RPS6KA2: variants seen among roughly 807,000 people sequenced by gnomAD.
The protein encoded by RPS6KA2 is ribosomal protein S6 kinase alpha-2.
Under a neutral mutation model 91.8 loss-of-function variants are expected in RPS6KA2, and 42 were observed. The observed-to-expected ratio is 0.46, with a 90% CI of 0.36 to 0.59. The LOEUF is 0.59. Ranked by LOEUF, RPS6KA2 falls within the 20% of genes least tolerant of loss-of-function variation. The pLI is 0.00. For synonymous variants in RPS6KA2, 414 were observed against 393.6 expected (o/e 1.05, Z -0.61); for missense variants, 798 against 978.5 (o/e 0.82, Z 2.46).
At position 166,423,371 on chromosome 6, in the gene RPS6KA2, T is replaced by C. The variant is rs1468824854; in HGVS notation, c.1628A>G (p.Glu543Gly). ...LKPSNILYRD[E>G]SGSPESIRVC... ...TCGGATGGATTCTGGGCTCCCCGAC[T>C]CATCCCTGTACAGGATGTTACTCGG... Residue 543 changes from glutamate (E) to glycine (G), a missense_variant, in exon 17 of 21, where the codon GAG (glutamate) becomes GGG (glycine). Physicochemically the swap from Glu to Gly is moderately conservative, Grantham distance 98. Coordinates refer to ENST00000265678, the MANE Select transcript of RPS6KA2 (RefSeq NM_021135.6). The surrounding 1 kb of genome is among the most constrained non-coding windows in gnomAD (Gnocchi z 4.8). The C allele has an allele frequency of 6.2e-7, 1 of 1,614,194 alleles. No homozygotes were observed. The highest frequency in any genetic ancestry group is 1.1e-5 in the South Asian group (1 of 91,090).
chr6:166,638,961 G>T (rs1411653688), intron 2 of RPS6KA2, among the ~76,000 whole-genome samples: 1 of 152,170 alleles, frequency 6.6e-6, no homozygotes, highest in Non-Finnish European at 1.5e-5. Flanking sequence ...GGTTGAAAAA[G>T]CTCACTTTAG....
chr6:166,637,838 C>T (rs184322460), intron 2 of RPS6KA2, among the ~76,000 whole-genome samples: 51 of 152,360 alleles, frequency 3.3e-4, no homozygotes, highest in African/African-American at 1.1e-3. Context: ...GTGTCTCAGC[C>T]GTGGGGGCCG....
chr6:166,550,949 C>T (rs534671561), intron 1 of RPS6KA2, among the ~76,000 whole-genome samples: 42 of 144,654 alleles, frequency 2.9e-4, no homozygotes, highest in South Asian at 2.6e-3. Context: ...TGCAGTGAGC[C>T]GAGATCACGA....
At chr6:166,558,603 G>A (rs1274079871) in intron 1 of RPS6KA2, among the ~76,000 whole-genome samples, 1 of 152,236 alleles carries the variant, frequency 6.6e-6, no homozygotes, top group Non-Finnish European at 1.5e-5. Flanking sequence ...GAGGCAAGCG[G>A]TGTCTCAGCC....
chr6:166,792,438 C>T (rs990486896), intron 2 of RPS6KA2, among the ~76,000 whole-genome samples: 2 of 151,556 alleles, frequency 1.3e-5, no homozygotes, highest in Non-Finnish European at 1.5e-5. Flanking sequence ...AAGAGGAGCT[C>T]GTATCATTCC....
At chr6:166,734,576 C>G (rs1790621539) in intron 2 of RPS6KA2, among the ~76,000 whole-genome samples, 1 of 152,062 alleles carries the variant, frequency 6.6e-6, no homozygotes. Flanking sequence ...AATTAAGACA[C>G]TCAGCCATTG....
At position 166,435,923 on chromosome 6, in the gene RPS6KA2, G is replaced by A. The variant is rs972586533; in HGVS notation, c.1333-3433C>T. Reference sequence around the variant, plus strand: ...CGCTGAGCCAGTCTGAGCCCCAGCTGAGACCTGGCCTCCCTGTCCACTCCC... The same window carrying A: ...CGCTGAGCCAGTCTGAGCCCCAGCTAAGACCTGGCCTCCCTGTCCACTCCC... On this transcript the variant is annotated intron_variant, in intron 14 of 20. Coordinates refer to ENST00000265678, the MANE Select transcript of RPS6KA2 (RefSeq NM_021135.6). This position sits in a 1 kb window ranked among gnomAD's most constrained non-coding sequence, Gnocchi z 4.3. 1.3e-5 allele frequency among the ~76,000 whole-genome samples: 2 copies of A among 152,240 alleles called. No homozygotes were observed. The highest frequency in any genetic ancestry group is 2.9e-5 in the Non-Finnish European group (2 of 68,036).
chr6:166,778,014 T>C (rs1321979050), intron 2 of RPS6KA2, among the ~76,000 whole-genome samples: 2 of 152,254 alleles, frequency 1.3e-5, no homozygotes, highest in African/African-American at 4.8e-5. Context: ...GTAAATTTAA[T>C]TTAATAAAAT....
rs945591295 is a variant in RPS6KA2, at chr6:166,482,222, C to T, written c.907+6611G>A. Among the ~76,000 whole-genome samples the T allele has an allele frequency of 5.3e-5, 8 of 152,182 alleles. No individual in the cohort carries two copies. In the East Asian group the frequency reaches 9.6e-4, roughly 18 times the overall value. ...GGCTCTGTTAAGTTCTCTGATGAGACGGGAGAATGCACGTGCATCTCTTTG... is the reference window on the plus strand; with the variant it reads ...GGCTCTGTTAAGTTCTCTGATGAGATGGGAGAATGCACGTGCATCTCTTTG... On this transcript the variant is annotated intron_variant, in intron 10 of 20. Coordinates refer to ENST00000265678, the MANE Select transcript of RPS6KA2 (RefSeq NM_021135.6).
intron 15 of RPS6KA2, 135 bp from the exon 16 acceptor site, chr6:166,430,746 G>T: frequency 1.2e-6 from 1 of 810,730 alleles, no homozygotes. Flanking sequence ...TGCAAACAAG[G>T]CTTCTGCAGG....
At chr6:166,582,165 G>A (rs1294223208) in intron 1 of RPS6KA2, among the ~76,000 whole-genome samples, 2 of 151,950 alleles carry the variant, frequency 1.3e-5, no homozygotes, top group African/African-American at 4.8e-5. Flanking sequence ...AGGTGGGCTG[G>A]GCAGGAGGGC....
intron 2 of RPS6KA2, among the ~76,000 whole-genome samples, chr6:166,764,932 C>T (rs750800961): frequency 2.0e-5 from 3 of 152,236 alleles, no homozygotes; most frequent in Non-Finnish European, 4.4e-5. Flanking sequence ...GCAGCCTTGA[C>T]GTTATCTCTA....
chr6:166,828,953 G>A (rs972835163), intron 2 of RPS6KA2, among the ~76,000 whole-genome samples: 1 of 151,906 alleles, frequency 6.6e-6, no homozygotes, highest in African/African-American at 2.4e-5. Context: ...TATCTGGAAT[G>A]TATAAAAACC....
At chr6:166,515,641 C>T (rs970299847) in intron 3 of RPS6KA2, among the ~76,000 whole-genome samples, 2 of 152,134 alleles carry the variant, frequency 1.3e-5, no homozygotes, top group Non-Finnish European at 2.9e-5. Flanking sequence ...ACTACCCTGG[C>T]TCTGCAGCAG....
intron 2 of RPS6KA2, among the ~76,000 whole-genome samples, chr6:166,772,558 C>T (rs1038833386): frequency 5.3e-5 from 8 of 152,160 alleles, no homozygotes; most frequent in African/African-American, 1.9e-4. Context: ...GATGGTGAGA[C>T]CCGGTGGAAC....
At chr6:166,530,651 A>T (rs781515906) in intron 3 of RPS6KA2, among the ~76,000 whole-genome samples, 1 of 152,248 alleles carries the variant, frequency 6.6e-6, no homozygotes, top group Non-Finnish European at 1.5e-5. Flanking sequence ...TGATCAGAAC[A>T]GATACGGTAG....
intron 2 of RPS6KA2, among the ~76,000 whole-genome samples, chr6:166,800,544 G>A (rs1779341930): frequency 6.6e-6 from 1 of 152,178 alleles, no homozygotes; most frequent in South Asian, 2.1e-4. Flanking sequence ...GTCATGTGAG[G>A]ACACAGCACT....
At chr6:166,618,502 G>A (rs993989507) in intron 1 of RPS6KA2, among the ~76,000 whole-genome samples, 6 of 152,190 alleles carry the variant, frequency 3.9e-5, no homozygotes. Flanking sequence ...CTGGGGTAGA[G>A]AGGTGACCTG....
chr6:166,641,407 A>G (rs1787427381), intron 2 of RPS6KA2, among the ~76,000 whole-genome samples: 1 of 152,126 alleles, frequency 6.6e-6, no homozygotes, highest in Non-Finnish European at 1.5e-5. Context: ...TTAAAATTGA[A>G]ACAGTAATAA....
Sources: allele counts gnomAD v4.1 joint callset (sites outside exome capture counted in the v4.1 genomes callset), GRCh38; gene constraint gnomAD v4.1.1; non-coding constraint Gnocchi (gnomAD v3.1); transcripts MANE v1.5; gene names NCBI Gene and HGNC (gene_info 2026-07-23, HGNC 2026-07-21).